The following CHD6 variants were observed in gnomAD, a reference collection of about 807,000 sequenced individuals.
CHD6 encodes the protein chromodomain helicase DNA binding protein 6.
Under a neutral mutation model 276.9 loss-of-function variants are expected in CHD6, and 50 were observed. The observed-to-expected ratio is 0.18, with a 90% CI of 0.14 to 0.23. The LOEUF (loss-of-function observed/expected upper bound fraction) is 0.23, where lower values mean the gene tolerates loss of function less well. Among genes scored for constraint, CHD6 ranks in the 10% least tolerant of loss-of-function variants. CHD6 has a pLI of 1.00. For missense variants in CHD6, 2,564 were observed against 3,365.8 expected (o/e 0.76, Z 5.89); for synonymous variants, 1,173 against 1,229.3 (o/e 0.95, Z 0.96).
chr20:41,498,697 T>C (rs906688380), intron 6 of CHD6, among the ~76,000 whole-genome samples: 7 of 152,092 alleles, frequency 4.6e-5, no homozygotes, highest in South Asian at 2.1e-4. Context: ...GAATTTCCTA[T>C]AGGAGATTCC....
At chr20:41,474,701 G>A (rs926681854) in intron 16 of CHD6, among the ~76,000 whole-genome samples, 18 of 152,058 alleles carry the variant, frequency 1.2e-4, no homozygotes, top group African/African-American at 4.3e-4. Flanking sequence ...ATAACCTAGG[G>A]GTAGATAATT....
At chr20:41,550,602 G>A (rs2045130712) in intron 2 of CHD6, among the ~76,000 whole-genome samples, 1 of 152,110 alleles carries the variant, frequency 6.6e-6, no homozygotes, top group Non-Finnish European at 1.5e-5. Flanking sequence ...GAAAAGCAGG[G>A]ATTTAGATAC....
rs1217354403 is a variant in CHD6 at position 41,421,554 on chromosome 20, T to G, written c.5081A>C (p.His1694Pro). ...GGACTCAGGCAGCAGACTTTCATCATGGTTGATGGAAATGACATCCTGAAC... is the reference window on the plus strand; with the variant it reads ...GGACTCAGGCAGCAGACTTTCATCAGGGTTGATGGAAATGACATCCTGAAC... The part of the protein sequence containing the change: ...SKVQDVISIN[H>P]DESLLPESLE... Residue 1694 changes from histidine (H) to proline (P), a missense_variant, in exon 31 of 37, where the codon CAT (histidine) becomes CCT (proline). Coordinates refer to ENST00000373233, the MANE Select transcript of CHD6 (RefSeq NM_032221.5). The G allele has an allele frequency of 6.2e-7, 1 of 1,613,084 alleles. No homozygotes were observed. Among genetic ancestry groups the G allele is most frequent in the Non-Finnish European group, 8.5e-7 (1 of 1,179,538 alleles).
chr20:41,578,341 G>A (rs1473108339), intron 1 of CHD6, among the ~76,000 whole-genome samples: 1 of 152,020 alleles, frequency 6.6e-6, no homozygotes, highest in Non-Finnish European at 1.5e-5. Flanking sequence ...CTTTTACAAG[G>A]CATAATCACA....
chr20:41,534,667 C>T (rs187002506), intron 2 of CHD6, among the ~76,000 whole-genome samples: 36 of 152,054 alleles, frequency 2.4e-4, no homozygotes, highest in African/African-American at 8.0e-4. Flanking sequence ...TGACAGGACT[C>T]ACTACTTTCA....
At chr20:41,536,965 G>A (rs1184852967) in intron 2 of CHD6, among the ~76,000 whole-genome samples, 2 of 152,266 alleles carry the variant, frequency 1.3e-5, no homozygotes, top group East Asian at 3.9e-4. Context: ...ATAGAGATGT[G>A]AAGGTTGAAA....
At chr20:41,596,769 G>A (rs1426156029) in intron 1 of CHD6, among the ~76,000 whole-genome samples, 1 of 152,154 alleles carries the variant, frequency 6.6e-6, no homozygotes, top group Non-Finnish European at 1.5e-5. Context: ...TAGACACAGA[G>A]GATCCCCTTG....
rs1231557270 is a variant in CHD6, at chr20:41,499,305, G to A, written c.905C>T (p.Thr302Ile). The change falls in exon 6 of 37, where the codon ACT (threonine) becomes ATT (isoleucine). Residue 302 changes from threonine to isoleucine, a missense_variant. Physicochemically the swap from Thr to Ile is moderately conservative, Grantham distance 89. This residue lies in a region of CHD6 where 457 missense variants were observed against 889.0 expected (regional missense o/e 0.51). Transcript: ENST00000373233. ...ACATGAGCCACCAACCTCCTGGACAGTCTTAGATGCCAGGATCTTCTCAAT... is the reference window on the plus strand; with the variant it reads ...ACATGAGCCACCAACCTCCTGGACAATCTTAGATGCCAGGATCTTCTCAAT... ...NIIEKILASK[T>I]VQEVHPGEPP... 4 of 1,606,820 alleles carry A rather than the reference G, an allele frequency of 2.5e-6. No homozygotes were observed. Among genetic ancestry groups the A allele is most frequent in the Admixed American group, 3.4e-5 (2 of 59,488 alleles).
intron 1 of CHD6, among the ~76,000 whole-genome samples, chr20:41,584,465 C>A (rs915076840): frequency 1.3e-5 from 2 of 152,104 alleles, no homozygotes; most frequent in East Asian, 3.8e-4. Context: ...AATAACACTA[C>A]AACCAACTTT....
chr20:41,435,278 T>C (rs2047670793), intron 27 of CHD6, among the ~76,000 whole-genome samples: 1 of 151,904 alleles, frequency 6.6e-6, no homozygotes, highest in Admixed American at 6.6e-5. Context: ...TTCAAATCAA[T>C]AACAAAGAAA....
chr20:41,408,248 T>G (rs2046738532), intron 36 of CHD6, among the ~76,000 whole-genome samples: 1 of 151,906 alleles, frequency 6.6e-6, no homozygotes. Context: ...GAGGGTACAG[T>G]TGGTCAGGGA....
intron 11 of CHD6, among the ~76,000 whole-genome samples, chr20:41,491,361 GTTTTTTGT>G (rs1253971145): frequency 7.0e-6 from 1 of 142,720 alleles, no homozygotes; most frequent in Admixed American, 7.0e-5. Context: ...GTTTTGTTTT[GTTTTTTGT>G]TTTTTTGGTT....
chr20:41,405,605 C>T (rs140160701), intron 36 of CHD6, 116 bp from the exon 37 acceptor site: 822 of 759,874 alleles, frequency 1.1e-3, no homozygotes, highest in Admixed American at 1.9e-3. Context: ...ACGAAGGGTT[C>T]CCAGTACAAG....
intron 3 of CHD6, among the ~76,000 whole-genome samples, chr20:41,521,457 G>A (rs963821104): frequency 1.3e-5 from 2 of 152,166 alleles, no homozygotes; most frequent in African/African-American, 4.8e-5. Context: ...ACTGTCAGAT[G>A]AATCTCAACT....
chr20:41,413,524 A>G lies in CHD6; in HGVS notation c.6940-9T>C. ...GGGTCTTCATGGACTTCCTGGATGA[A>G]GGAAAAACGAGTATGTATAATCACG... On this transcript the variant is annotated splice_polypyrimidine_tract_variant and intron_variant, in intron 34 of 36. Coordinates refer to ENST00000373233, the MANE Select transcript of CHD6 (RefSeq NM_032221.5). 5 of 1,524,122 alleles carry G rather than the reference A, an allele frequency of 3.3e-6. No homozygotes were observed. Among genetic ancestry groups the G allele is most frequent in the Non-Finnish European group, 4.4e-6 (5 of 1,134,856 alleles). 94.4% of individuals were successfully genotyped at this position (1,524,122 alleles called of 1,614,324 possible). A position where few individuals can be genotyped will look rare whatever the true frequency, so the allele number is the denominator to read the frequency against.
chr20:41,422,075 G>A lies in CHD6; in HGVS notation c.4560C>T (p.Pro1520=), dbSNP rs766045947. 2.0e-5 allele frequency: 32 copies of A among 1,602,854 alleles called. 1 individual carries two copies. In the South Asian group the frequency reaches 3.6e-4, roughly 18 times the overall value. ...CRLPTWKDGG[P]PDTTIYVEPI... is the part of the protein sequence containing the mutation. ...GTTCAACGTAGATGGTGGTATCTGG[G>A]GGACCTGGAGAGAAAGGGAAATAAA... Residue 1520 remains proline (P), a synonymous_variant, in exon 31 of 37, where the codon CCC becomes CCT. Coordinates refer to ENST00000373233, the MANE Select transcript of CHD6 (RefSeq NM_032221.5).
chr20:41,447,597 G>A (rs1230817579), intron 24 of CHD6, among the ~76,000 whole-genome samples: 1 of 152,200 alleles, frequency 6.6e-6, no homozygotes, highest in Non-Finnish European at 1.5e-5. Flanking sequence ...TACAGTAAAT[G>A]ACTGTTTTAA....
intron 1 of CHD6, among the ~76,000 whole-genome samples, chr20:41,612,911 C>CA (rs1014983312): frequency 3.3e-5 from 5 of 151,820 alleles, no homozygotes; most frequent in Admixed American, 2.6e-4. Flanking sequence ...TCTGGCCCAA[C>CA]AAAAAAAATC....
At chr20:41,509,240 T>G (rs2044053596) in intron 5 of CHD6, among the ~76,000 whole-genome samples, 1 of 152,198 alleles carries the variant, frequency 6.6e-6, no homozygotes, top group Middle Eastern at 3.4e-3. Flanking sequence ...GTGAAAAACA[T>G]TATCAAACAG....
Sources: gnomAD v4.1 joint callset for allele counts (sites outside exome capture counted in the v4.1 genomes callset) on GRCh38, gnomAD v4.1.1 for gene constraint, gnomAD v4.1.1 regional missense constraint, MANE v1.5 for transcripts, NCBI Gene and HGNC (gene_info 2026-07-23, HGNC 2026-07-21) for gene names.